The following CREBRF variants were observed in gnomAD, a reference collection of about 807,000 sequenced individuals.
CREBRF encodes the protein CREB3 regulatory factor.
A neutral mutation model predicts 66.1 loss-of-function variants in CREBRF; 5 were observed. That is an observed-to-expected ratio of 0.08 (90% CI 0.04 to 0.16). CREBRF has a LOEUF of 0.16. CREBRF is among the 10% of genes least tolerant of loss of function. The pLI is 1.00. For missense variants in CREBRF, 531 were observed against 744.9 expected (o/e 0.71, Z 3.34); for synonymous variants, 229 against 264.4 (o/e 0.87, Z 1.30).
chr5:173,102,314 A>G (rs1030011011), intron 4 of CREBRF, among the ~76,000 whole-genome samples: 3 of 152,128 alleles, frequency 2.0e-5, no homozygotes, highest in African/African-American at 4.8e-5. Context: ...ATTGGTGTCT[A>G]TACATTTAAA....
intron 4 of CREBRF, among the ~76,000 whole-genome samples, chr5:173,100,078 T>TTGTGTGTGTA (rs1554125223): frequency 0.016 from 1,075 of 68,992 alleles, 37 homozygotes; most frequent in South Asian, 0.027. Context: ...GGCTAATCTT[T>TTGTGTGTGTA]TGTGTGTGTG....
At position 173,098,579 on chromosome 5, in the gene CREBRF, G is replaced by C. The variant is rs181596829; in HGVS notation, c.1222+7178G>C. Among the ~76,000 whole-genome samples the C allele has an allele frequency of 1.0e-3, 152 of 152,246 alleles. 2 individuals are homozygous for C. The South Asian group carries it at 0.015, about 15-fold the overall frequency. ...GCTTGAAAAGAGTATATATTCTGCT[G>C]CTGTCAGAATGTTCTATATATGTCT... On this transcript the variant is annotated intron_variant, in intron 4 of 8. Coordinates refer to ENST00000296953, the MANE Select transcript of CREBRF (RefSeq NM_153607.3).
rs1282475421 is a variant in CREBRF at position 173,134,645 on chromosome 5, T to C, written c.*900T>C. 1 of 152,946 alleles carries C rather than the reference T, an allele frequency of 6.5e-6. No homozygotes were observed. The highest frequency in any genetic ancestry group is 1.5e-5 in the Non-Finnish European group (1 of 68,262). The allele number at this position is 152,946 out of a possible 1,614,324, so 9.5% of individuals were successfully genotyped here. A position where few individuals can be genotyped will look rare whatever the true frequency, so the allele number is the denominator to read the frequency against. Reference sequence around the variant, plus strand: ...TACTTGCACATTATTGCGATTGTTTTATTTTTTGTACCAAAGACAAATGCA... The same window carrying C: ...TACTTGCACATTATTGCGATTGTTTCATTTTTTGTACCAAAGACAAATGCA... On this transcript the variant is annotated 3_prime_UTR_variant, in exon 9 of 9. Coordinates refer to ENST00000296953, the MANE Select transcript of CREBRF (RefSeq NM_153607.3).
Position 173,125,850 on chromosome 5 carries a change from C to G in CREBRF, c.1804+2648C>G, listed in dbSNP as rs562222932. On this transcript the variant is annotated intron_variant, in intron 8 of 8. Coordinates refer to ENST00000296953, the MANE Select transcript of CREBRF (RefSeq NM_153607.3). The stretch of plus-strand genomic sequence containing the variant: ...CTGCGCTCCCGCCTGGGCGACAGAG[C>G]GAGACTCCTTTTCAAAAAAACAAAA... Among the ~76,000 whole-genome samples the G allele has an allele frequency of 7.6e-4, 115 of 152,216 alleles. 1 individual carries two copies. In the South Asian group the frequency reaches 0.011, roughly 15 times the overall value.
chr5:173,115,901 C>T (rs1053065772), intron 7 of CREBRF, among the ~76,000 whole-genome samples: 7 of 152,330 alleles, frequency 4.6e-5, no homozygotes, highest in East Asian at 3.9e-4. Context: ...TGAGCCACCG[C>T]GCCCGGCCCC....
chr5:173,091,456 T>C (rs756348724), intron 4 of CREBRF, 55 bp downstream of exon 4: 9 of 1,556,568 alleles, frequency 5.8e-6, no homozygotes, highest in Non-Finnish European at 6.9e-6. Context: ...TATTTTGAAA[T>C]AGAAAGGTTT....
chr5:173,083,123 G>A (rs1758016915), intron 2 of CREBRF, among the ~76,000 whole-genome samples: 1 of 151,358 alleles, frequency 6.6e-6, no homozygotes, highest in Admixed American at 6.6e-5. Context: ...AGCTACTTGG[G>A]AAGCTGAGGC....
chr5:173,114,110 TC>T (rs1758931160), intron 7 of CREBRF, among the ~76,000 whole-genome samples: 1 of 152,238 alleles, frequency 6.6e-6, no homozygotes, highest in African/African-American at 2.4e-5. Context: ...TTATTTTGTT[TC>T]CTTTGGTGAG....
intron 8 of CREBRF, among the ~76,000 whole-genome samples, chr5:173,132,860 G>A (rs906737950): frequency 3.3e-5 from 5 of 149,902 alleles, no homozygotes; most frequent in East Asian, 2.0e-4. Flanking sequence ...CAGGTGATCC[G>A]CCAACCTCAG....
chr5:173,076,062 A>G (rs1351345238), intron 1 of CREBRF, among the ~76,000 whole-genome samples: 6 of 147,160 alleles, frequency 4.1e-5, no homozygotes, highest in African/African-American at 1.5e-4. Context: ...CTCTACAAAA[A>G]AAAAAAAAAA....
chr5:173,091,918 C>T, intron 4 of CREBRF: 1 of 360,256 alleles, frequency 2.8e-6, no homozygotes, highest in Middle Eastern at 1.4e-3. Context: ...AACCCTGTCT[C>T]TACTAAAAAT....
intron 4 of CREBRF, among the ~76,000 whole-genome samples, chr5:173,092,818 T>A (rs188688907): frequency 1.3e-4 from 20 of 152,328 alleles, no homozygotes; most frequent in Non-Finnish European, 1.9e-4. Context: ...ATTTTTTGAT[T>A]TGGGTGGAGT....
At chr5:173,083,635 G>A (rs1415168171) in intron 2 of CREBRF, among the ~76,000 whole-genome samples, 3 of 152,100 alleles carry the variant, frequency 2.0e-5, no homozygotes, top group Admixed American at 6.6e-5. Flanking sequence ...ATAAGACATG[G>A]GACTCAGCAG....
rs1246311941 is a variant in CREBRF, at chr5:173,136,791, C to G, written c.*3046C>G. ...GTGGCATGTATTTTTGGGTGAAGAT[C>G]ATTAGAGAAGAGTTCTCTAAAGGTT... On this transcript the variant is annotated 3_prime_UTR_variant, in exon 9 of 9. Coordinates refer to ENST00000296953, the MANE Select transcript of CREBRF (RefSeq NM_153607.3). The G allele has an allele frequency of 1.3e-5, 2 of 152,308 alleles. No homozygotes were observed. The highest frequency in any genetic ancestry group is 2.9e-5 in the Non-Finnish European group (2 of 67,882). The allele number at this position is 152,308 out of a possible 1,614,324, so 9.4% of individuals were successfully genotyped here. A position where few individuals can be genotyped will look rare whatever the true frequency, so the allele number is the denominator to read the frequency against.
At chr5:173,106,524 G>T (rs1406119970) in intron 4 of CREBRF, among the ~76,000 whole-genome samples, 1 of 152,080 alleles carries the variant, frequency 6.6e-6, no homozygotes, top group African/African-American at 2.4e-5. Flanking sequence ...GTTAATACCA[G>T]CAGTGCTACA....
chr5:173,099,579 A>C (rs991514238), intron 4 of CREBRF, among the ~76,000 whole-genome samples: 1 of 151,994 alleles, frequency 6.6e-6, no homozygotes, highest in Admixed American at 6.6e-5. Flanking sequence ...TTTACTGTTA[A>C]CCATTTTGTT....
At position 173,090,733 on chromosome 5, in the gene CREBRF, T is replaced by C; in HGVS notation, c.554T>C (p.Val185Ala). The C allele has an allele frequency of 6.2e-7, 1 of 1,614,182 alleles. No individual in the cohort carries two copies. Among genetic ancestry groups the C allele is most frequent in the East Asian group, 2.2e-5 (1 of 44,888 alleles). The change falls in exon 4 of 9, where the codon GTG becomes GCG. Residue 185 changes from valine (V) to alanine (A), a missense_variant. By Grantham distance (64) the Val-to-Ala change is moderately conservative. Transcript: ENST00000296953. The surrounding 1 kb of genome is among the most constrained non-coding windows in gnomAD (Gnocchi z 4.5). ...ATCACAAGCAGAGCAGCTGCTCCTG[T>C]GTGTTCTTCTAAGACTCTGCAGGCT... The part of the protein sequence containing the change: ...KKITSRAAAP[V>A]CSSKTLQAEV...
intron 2 of CREBRF, among the ~76,000 whole-genome samples, chr5:173,082,003 G>GTTTTTTTTTTTTTTTTTTTTTTT (rs869148787): frequency 2.6e-4 from 20 of 78,076 alleles, no homozygotes; most frequent in Admixed American, 4.7e-4. Context: ...TCAAGGTTTA[G>GTTTTTTTTTTTTTTTTTTTTTTT]TTTTTTTTTT....
intron 4 of CREBRF, chr5:173,092,465 T>G: frequency 1.0e-6 from 1 of 965,370 alleles, no homozygotes; most frequent in South Asian, 4.8e-5. Flanking sequence ...AGTTTATTTA[T>G]AAAAATAGTA....
Sources: allele counts gnomAD v4.1 joint callset (sites outside exome capture counted in the v4.1 genomes callset), GRCh38; gene constraint gnomAD v4.1.1; non-coding constraint Gnocchi (gnomAD v3.1); transcripts MANE v1.5; gene names NCBI Gene and HGNC (gene_info 2026-07-23, HGNC 2026-07-21).